KATNBL1: variants seen among roughly 807,000 people sequenced by gnomAD.
The protein encoded by KATNBL1 is KATNB1-like protein 1.
KATNBL1 carries 28 observed loss-of-function variants against 44.7 expected under a neutral mutation model. The ratio of observed to expected loss-of-function variants is 0.63; its 90% CI spans 0.46 to 0.86. KATNBL1 has a LOEUF of 0.86. Ranked by LOEUF, KATNBL1 falls within the 40% of genes least tolerant of loss-of-function variation. The probability of loss-of-function intolerance (pLI) is 0.00; values close to 1 mark genes in which losing one functional copy is unlikely to be tolerated. For missense variants in KATNBL1, 272 were observed against 350.7 expected (o/e 0.78, Z 1.79); for synonymous variants, 78 against 114.9 (o/e 0.68, Z 2.06).
chr15:34,199,388 G>C (rs1010172060), intron 1 of KATNBL1, among the ~76,000 whole-genome samples: 1 of 152,196 alleles, frequency 6.6e-6, no homozygotes. Context: ...AATGAGCCTA[G>C]ACTGTGCCAC....
intron 1 of KATNBL1, among the ~76,000 whole-genome samples, chr15:34,169,690 A>G (rs939865301): frequency 1.3e-5 from 2 of 152,238 alleles, no homozygotes; most frequent in Non-Finnish European, 2.9e-5. Context: ...AAAATCTTCA[A>G]TAAAATACTG....
intron 1 of KATNBL1, among the ~76,000 whole-genome samples, chr15:34,165,425 A>G (rs1341415895): frequency 6.6e-6 from 1 of 152,238 alleles, no homozygotes; most frequent in East Asian, 1.9e-4. Flanking sequence ...AAAGGTTTGT[A>G]AAGACATAAA....
At chr15:34,173,777 T>A (rs912930452) in intron 1 of KATNBL1, among the ~76,000 whole-genome samples, 1 of 152,248 alleles carries the variant, frequency 6.6e-6, no homozygotes, top group Admixed American at 6.5e-5. Context: ...TGGGGAATAG[T>A]TAGAAGGAAT....
chr15:34,199,066 T>C (rs1401548377), intron 1 of KATNBL1, among the ~76,000 whole-genome samples: 1 of 152,198 alleles, frequency 6.6e-6, no homozygotes, highest in African/African-American at 2.4e-5. Context: ...GTGCTACTCA[T>C]GTACTGTCCA....
intron 2 of KATNBL1, among the ~76,000 whole-genome samples, chr15:34,155,022 G>A (rs1161979891): frequency 1.3e-5 from 2 of 152,136 alleles, no homozygotes; most frequent in Non-Finnish European, 2.9e-5. Context: ...GACTAAGGAT[G>A]ACTAAGGACA....
Position 34,152,979 on chromosome 15 carries a change from A to G in KATNBL1, c.249T>C (p.Cys83=), listed in dbSNP as rs1287291264. The change falls in exon 4 of 10, where the codon TGT becomes TGC. Residue 83 remains cysteine (C), a synonymous_variant. Coordinates refer to ENST00000256544, the MANE Select transcript of KATNBL1 (RefSeq NM_024713.3). ...KKVHHPFPNP[C]YRKKQSPGSG... is the part of the protein sequence containing the mutation. Reference sequence around the variant, plus strand: ...TTCCAGGGGACTGTTTTTTTCTGTAACAAGGATTTGGAAAGGGATGATGAA... The same window carrying G: ...TTCCAGGGGACTGTTTTTTTCTGTAGCAAGGATTTGGAAAGGGATGATGAA... The G allele has an allele frequency of 2.5e-6, 4 of 1,614,026 alleles. No homozygotes were observed. In the South Asian group the frequency reaches 4.4e-5, roughly 18 times the overall value.
chr15:34,172,815 A>T (rs1185060297), intron 1 of KATNBL1, among the ~76,000 whole-genome samples: 1 of 151,556 alleles, frequency 6.6e-6, no homozygotes, highest in African/African-American at 2.4e-5. Context: ...CTAAAATACT[A>T]ACATCAATGG....
chr15:34,179,644 T>C (rs1889459595), intron 1 of KATNBL1, among the ~76,000 whole-genome samples: 1 of 152,170 alleles, frequency 6.6e-6, no homozygotes, highest in African/African-American at 2.4e-5. Flanking sequence ...AGCAACAGTA[T>C]TTTAAAAAGC....
At chr15:34,197,436 A>T (rs1237106292) in intron 1 of KATNBL1, among the ~76,000 whole-genome samples, 2 of 152,168 alleles carry the variant, frequency 1.3e-5, no homozygotes, top group Non-Finnish European at 2.9e-5. Flanking sequence ...TCTGTAAATC[A>T]CTCCGTAAAT....
At chr15:34,144,704 G>C (rs1313379918) in intron 9 of KATNBL1, among the ~76,000 whole-genome samples, 2 of 151,864 alleles carry the variant, frequency 1.3e-5, no homozygotes, top group Non-Finnish European at 2.9e-5. Context: ...CCGAGTAGCT[G>C]GGATTACAGG....
intron 1 of KATNBL1, among the ~76,000 whole-genome samples, chr15:34,171,857 G>A (rs149813690): frequency 0.013 from 2,017 of 150,676 alleles, 49 homozygotes; most frequent in African/African-American, 0.047. Context: ...AACACCATAT[G>A]TTCTCACTCA....
intron 1 of KATNBL1, among the ~76,000 whole-genome samples, chr15:34,185,769 G>T (rs1295803689): frequency 6.6e-6 from 1 of 152,264 alleles, no homozygotes; most frequent in South Asian, 2.1e-4. Flanking sequence ...ATATAGCAGG[G>T]AAGAAATGTA....
intron 2 of KATNBL1, among the ~76,000 whole-genome samples, chr15:34,157,819 A>G (rs745402278): frequency 6.6e-6 from 1 of 152,176 alleles, no homozygotes; most frequent in Non-Finnish European, 1.5e-5. Context: ...TTCCCATGTT[A>G]TATCCAGTAC....
chr15:34,196,160 G>GTAATCCCAGCA, intron 1 of KATNBL1, among the ~76,000 whole-genome samples: 1 of 152,336 alleles, frequency 6.6e-6, no homozygotes, highest in Middle Eastern at 3.4e-3. Flanking sequence ...GCTCACACCT[G>GTAATCCCAGCA]TAATCCCAGC....
At chr15:34,195,213 G>C (rs1323141687) in intron 1 of KATNBL1, among the ~76,000 whole-genome samples, 1 of 152,062 alleles carries the variant, frequency 6.6e-6, no homozygotes, top group Admixed American at 6.6e-5. Flanking sequence ...TATCAACAGA[G>C]GACTGGATAA....
intron 1 of KATNBL1, among the ~76,000 whole-genome samples, chr15:34,180,018 T>G (rs1435916470): frequency 6.6e-6 from 1 of 152,202 alleles, no homozygotes; most frequent in African/African-American, 2.4e-5. Flanking sequence ...GACAGCTTCA[T>G]CTAATTTTCT....
At chr15:34,164,519 T>TC (rs1485024461) in intron 1 of KATNBL1, among the ~76,000 whole-genome samples, 1 of 121,858 alleles carries the variant, frequency 8.2e-6, no homozygotes, top group African/African-American at 3.5e-5. Context: ...CCTCTACCTT[T>TC]GAAAAAAAAA....
intron 1 of KATNBL1, chr15:34,209,085 T>C (rs1890365871): frequency 2.0e-5 from 3 of 152,222 alleles, no homozygotes; most frequent in Admixed American, 2.0e-4. Context: ...CACTGGCTAA[T>C]ATTATTATTG....
chr15:34,157,571 G>A (rs950962335), intron 2 of KATNBL1, among the ~76,000 whole-genome samples: 3 of 152,182 alleles, frequency 2.0e-5, no homozygotes, highest in Non-Finnish European at 4.4e-5. Context: ...CTGATCTTTT[G>A]TTTCGAACAT....
Sources: gnomAD v4.1 joint callset for allele counts (sites outside exome capture counted in the v4.1 genomes callset) on GRCh38, gnomAD v4.1.1 for gene constraint, MANE v1.5 for transcripts, NCBI Gene and HGNC (gene_info 2026-07-23, HGNC 2026-07-21) for gene names.